Variants in MTUS1 observed in about 807,000 individuals in gnomAD.
MTUS1 encodes microtubule associated scaffold protein 1.
In MTUS1, 109 loss-of-function variants were observed where a neutral mutation model predicts 120.8. That is an observed-to-expected ratio of 0.90 (90% CI 0.77 to 1.06). MTUS1 has a LOEUF of 1.06. MTUS1 is among the 50% of genes least tolerant of loss of function. The pLI, the probability that MTUS1 is intolerant of heterozygous loss-of-function variation, is 0.00. For synonymous variants in MTUS1, 737 were observed against 550.5 expected, an observed-to-expected ratio of 1.34 and a Z score of -4.74; for missense variants, 2,210 against 1,486.3, an observed-to-expected ratio of 1.49 and a Z score of -8.01.
At chr8:17,654,981 C>T (rs896995524) in intron 9 of MTUS1, 9 of 283,258 alleles carry the variant, frequency 3.2e-5, no homozygotes, top group African/African-American at 1.7e-4. Context: ...CACCGCTCAA[C>T]TCTCCTCTGT....
At chr8:17,704,940 C>G (rs1819861276) in intron 6 of MTUS1, among the ~76,000 whole-genome samples, 1 of 152,114 alleles carries the variant, frequency 6.6e-6, no homozygotes, top group Admixed American at 6.6e-5. Context: ...CTAATATAAC[C>G]TCAGTTTGTT....
intron 1 of MTUS1, among the ~76,000 whole-genome samples, chr8:17,776,922 C>T (rs190594733): frequency 2.6e-5 from 4 of 152,016 alleles, no homozygotes; most frequent in Non-Finnish European, 2.9e-5. Flanking sequence ...ATTGCGCTTT[C>T]GGAGAGCAAT....
At chr8:17,722,365 C>G (rs1476993194) in intron 4 of MTUS1, 1 of 978,030 alleles carries the variant, frequency 1.0e-6, no homozygotes, top group Non-Finnish European at 1.2e-6. Context: ...GGCAGTTTGT[C>G]TTTAAAATTG....
intron 1 of MTUS1, among the ~76,000 whole-genome samples, chr8:17,780,319 G>A (rs1390702194): frequency 6.6e-6 from 1 of 152,168 alleles, no homozygotes; most frequent in Non-Finnish European, 1.5e-5. Flanking sequence ...GCACATGCCA[G>A]CAACATGCTT....
intron 2 of MTUS1, 66 bp from the exon 3 acceptor site, chr8:17,743,865 G>T (rs891810466): frequency 7.2e-7 from 1 of 1,397,060 alleles, no homozygotes; most frequent in Non-Finnish European, 9.9e-7. Context: ...CTGACTGAAT[G>T]GGCCCCTCCT....
chr8:17,647,458 GAAAA>G (rs112070816), intron 13 of MTUS1, among the ~76,000 whole-genome samples: 22 of 136,256 alleles, frequency 1.6e-4, no homozygotes, highest in African/African-American at 4.0e-4. Context: ...AATTTTGCTG[GAAAA>G]AAAAAAAAAA....
rs957163447 is a variant in MTUS1 at position 17,790,880 on chromosome 8, A to G, written c.-155+10181T>C. ...CAGGCACCTGTAATCCCAGCTACCC[A>G]GGAAGCTGAGGCAGGAGAATCGCTT... On this transcript the variant is annotated intron_variant, in intron 1 of 14. Coordinates refer to ENST00000693296, the MANE Select transcript of MTUS1 (RefSeq NM_001363059.2). Among the ~76,000 whole-genome samples the G allele has an allele frequency of 2.6e-5, 4 of 152,144 alleles. No homozygotes were observed. In the East Asian group the frequency reaches 7.7e-4, roughly 29 times the overall value.
chr8:17,786,180 A>C (rs1444442126), intron 1 of MTUS1, among the ~76,000 whole-genome samples: 1 of 152,098 alleles, frequency 6.6e-6, no homozygotes, highest in Non-Finnish European at 1.5e-5. Flanking sequence ...GAACACGTCA[A>C]GGAAGGTCAG....
chr8:17,742,357 G>A (rs1295390838), intron 3 of MTUS1, among the ~76,000 whole-genome samples: 1 of 140,532 alleles, frequency 7.1e-6, no homozygotes, highest in East Asian at 2.1e-4. Context: ...CTGAACTCCT[G>A]GCCCACTTTG....
chr8:17,800,445 GA>G (rs1381023113), intron 1 of MTUS1, among the ~76,000 whole-genome samples: 4 of 152,064 alleles, frequency 2.6e-5, no homozygotes, highest in Non-Finnish European at 4.4e-5. Context: ...CAGGCTAAAT[GA>G]ATTAACCTCT....
chr8:17,748,754 G>T (rs140293612), intron 2 of MTUS1, among the ~76,000 whole-genome samples: 1 of 152,120 alleles, frequency 6.6e-6, no homozygotes, highest in Non-Finnish European at 1.5e-5. Context: ...CACCCCCATC[G>T]CAAGTTTTAC....
chr8:17,675,615 A>C (rs116148505), intron 7 of MTUS1, among the ~76,000 whole-genome samples: 43 of 152,312 alleles, frequency 2.8e-4, no homozygotes, highest in African/African-American at 1.0e-3. Flanking sequence ...ATAAACATCT[A>C]ATCAGTTTAA....
At chr8:17,730,679 A>G (rs757763451) in intron 3 of MTUS1, among the ~76,000 whole-genome samples, 2 of 152,202 alleles carry the variant, frequency 1.3e-5, no homozygotes, top group African/African-American at 2.4e-5. Flanking sequence ...GACACATGCT[A>G]CAACATGGAT....
intron 1 of MTUS1, among the ~76,000 whole-genome samples, chr8:17,786,158 A>C (rs1319606877): frequency 6.6e-6 from 1 of 152,064 alleles, no homozygotes; most frequent in African/African-American, 2.4e-5. Flanking sequence ...ACAAACAAAA[A>C]AAAGCAGCTT....
chr8:17,645,771 C>G lies in MTUS1; in HGVS notation c.*155G>C. On this transcript the variant is annotated 3_prime_UTR_variant, in exon 15 of 15. Coordinates refer to ENST00000693296, the MANE Select transcript of MTUS1 (RefSeq NM_001363059.2). ...AAGTCTTCCTCCAGAGTTCCAGTCT[C>G]AGAAGCTGCGATTCCGCCGGTGGTG... 2.1e-6 allele frequency: 2 copies of G among 965,006 alleles called. No homozygotes were observed. Among genetic ancestry groups the G allele is most frequent in the Non-Finnish European group, 2.9e-6 (2 of 698,434 alleles). 59.8% of individuals were successfully genotyped at this position (965,006 alleles called of 1,614,324 possible).
chr8:17,797,318 C>T (rs1470117466), intron 1 of MTUS1, among the ~76,000 whole-genome samples: 2 of 152,026 alleles, frequency 1.3e-5, no homozygotes, highest in East Asian at 1.9e-4. Context: ...GAGGCTGAGG[C>T]GGGAGGATAG....
chr8:17,723,825 T>C lies in MTUS1; in HGVS notation c.2296A>G (p.Thr766Ala), dbSNP rs769500573. The C allele has an allele frequency of 4.5e-6, 7 of 1,570,638 alleles. No individual in the cohort carries two copies. The highest frequency in any genetic ancestry group is 1.2e-5 in the South Asian group (1 of 86,226). Residue 766 changes from threonine to alanine, a missense_variant, in exon 4 of 15, where the codon ACA (threonine) becomes GCA (alanine). By Grantham distance (58) the Thr-to-Ala change is moderately conservative. Coordinates refer to ENST00000693296, the MANE Select transcript of MTUS1 (RefSeq NM_001363059.2). ...IRRVSSSGKP[T>A]SLKTAQSSWV... ...GACGACTGTGCAGTTTTCAAGGATG[T>C]AGGCTTTCCTTGGGGTTTAAAAAAA... is the stretch of plus-strand genomic sequence containing the variant.
At chr8:17,748,854 A>G (rs2047971262) in intron 2 of MTUS1, among the ~76,000 whole-genome samples, 1 of 152,200 alleles carries the variant, frequency 6.6e-6, no homozygotes, top group Non-Finnish European at 1.5e-5. Context: ...CCTAACAATC[A>G]TCACCATATG....
At chr8:17,670,815 C>G (rs766605127) in intron 8 of MTUS1, among the ~76,000 whole-genome samples, 2 of 143,106 alleles carry the variant, frequency 1.4e-5, no homozygotes, top group Non-Finnish European at 2.9e-5. Context: ...GAGCAAGACC[C>G]TGTCTTTAAA....
Sources: gnomAD v4.1 joint callset for allele counts (sites outside exome capture counted in the v4.1 genomes callset) on GRCh38, gnomAD v4.1.1 for gene constraint, MANE v1.5 for transcripts, NCBI Gene and HGNC (gene_info 2026-07-23, HGNC 2026-07-21) for gene names.